EYA4: variants seen among roughly 807,000 people sequenced by gnomAD.
The protein encoded by EYA4 is EYA transcriptional coactivator and phosphatase 4, also known as protein phosphatase EYA4.
A neutral mutation model predicts 87.9 loss-of-function variants in EYA4; 31 were observed. The observed-to-expected ratio is 0.35, with a 90% CI of 0.27 to 0.48. The LOEUF (loss-of-function observed/expected upper bound fraction) is 0.48, where lower values mean the gene tolerates loss of function less well. EYA4 is among the 20% of genes least tolerant of loss of function. The pLI is 0.99. For missense variants in EYA4, 678 were observed against 761.4 expected (o/e 0.89, Z 1.29); for synonymous variants, 263 against 270.6 (o/e 0.97, Z 0.28).
At chr6:133,354,074 C>G (rs148868380) in intron 2 of EYA4, among the ~76,000 whole-genome samples, 273 of 152,244 alleles carry the variant, frequency 1.8e-3, no homozygotes, top group African/African-American at 6.0e-3. Flanking sequence ...TACAGTGTAG[C>G]TTATTCTAAG....
rs145198515 is a variant in EYA4, at chr6:133,359,018, C to T, written c.34-23374C>T. Among the ~76,000 whole-genome samples, 463 of 151,280 alleles carry T rather than the reference C, an allele frequency of 3.1e-3. 1 individual carries two copies. The highest frequency in any genetic ancestry group is 0.011 in the African/African-American group (442 of 41,238). On this transcript the variant is annotated intron_variant, in intron 2 of 19. Coordinates refer to ENST00000355286, the MANE Select transcript of EYA4 (RefSeq NM_004100.5). ...TACTGGAAACGAGGAAAAGAGGCCT[C>T]GTAAGAAAAAAAAGGCCCTTTTTGT...
intron 3 of EYA4, among the ~76,000 whole-genome samples, chr6:133,431,648 A>C (rs767501102): frequency 6.6e-6 from 1 of 152,158 alleles, no homozygotes; most frequent in Non-Finnish European, 1.5e-5. Context: ...GGGACAAATT[A>C]CCAGATTATT....
chr6:133,249,486 C>G (rs1456554302), intron 1 of EYA4, among the ~76,000 whole-genome samples: 1 of 152,144 alleles, frequency 6.6e-6, no homozygotes, highest in Non-Finnish European at 1.5e-5. Context: ...TGCCTGCTGC[C>G]TATAGGGCAA....
chr6:133,426,666 C>A (rs377245167), intron 3 of EYA4, among the ~76,000 whole-genome samples: 85 of 152,306 alleles, frequency 5.6e-4, no homozygotes, highest in African/African-American at 1.9e-3. Flanking sequence ...TTGTATAACA[C>A]AGTCTCCATT....
At chr6:133,397,734 C>G (rs1212215649) in intron 3 of EYA4, among the ~76,000 whole-genome samples, 1 of 152,198 alleles carries the variant, frequency 6.6e-6, no homozygotes. Context: ...AATGGACTTA[C>G]AGCTCCACGT....
chr6:133,522,206 G>A (rs1295740324), intron 17 of EYA4, among the ~76,000 whole-genome samples: 1 of 146,364 alleles, frequency 6.8e-6, no homozygotes, highest in Admixed American at 6.8e-5. Context: ...AAGTTCTAGG[G>A]TACATGTGCA....
rs768235034 is a variant in EYA4 at position 133,483,136 on chromosome 6, A to C, written c.1191+21A>C. 2.6e-6 allele frequency: 4 copies of C among 1,558,072 alleles called. No individual in the cohort carries two copies. In the Admixed American group the frequency reaches 6.7e-5, roughly 26 times the overall value. On this transcript the variant is annotated intron_variant, in intron 13 of 19. Coordinates refer to ENST00000355286, the MANE Select transcript of EYA4 (RefSeq NM_004100.5). ...GCAAGGTAAGAAATCAAGAAATGTT[A>C]CTCCAAGAAATCTTGTTAAATTTTT... is the stretch of plus-strand genomic sequence containing the variant.
At chr6:133,512,571 A>C (rs556333887) in intron 14 of EYA4, 150 bp from the exon 15 acceptor site, 1 of 710,240 alleles carries the variant, frequency 1.4e-6, no homozygotes. Flanking sequence ...ATTTCCCAAC[A>C]GAAGAAAACA....
rs756139259 is a variant in EYA4 at position 133,512,960 on chromosome 6, G to A, written c.1423G>A (p.Val475Ile). The change falls in exon 16 of 20, where the codon GTT becomes ATT. Residue 475 changes from valine to isoleucine, a missense_variant. Coordinates refer to ENST00000355286, the MANE Select transcript of EYA4 (RefSeq NM_004100.5). The stretch of plus-strand genomic sequence containing the variant: ...TTTGCCAACAGGTGTAAGAGGAGGG[G>A]TTGACTGGATGAGGAAGTTGGCTTT... ...LCLPTGVRGG[V>I]DWMRKLAFRY... The A allele has an allele frequency of 6.2e-7, 1 of 1,613,980 alleles. No individual in the cohort carries two copies. Among genetic ancestry groups the A allele is most frequent in the Admixed American group, 1.7e-5 (1 of 60,004 alleles).
chr6:133,352,929 G>T (rs528704068), intron 2 of EYA4, among the ~76,000 whole-genome samples: 61 of 152,286 alleles, frequency 4.0e-4, no homozygotes, highest in African/African-American at 1.4e-3. Flanking sequence ...TGACAATTGT[G>T]AAGAGTTGAT....
At chr6:133,308,385 A>C (rs1021732037) in intron 2 of EYA4, among the ~76,000 whole-genome samples, 1 of 152,154 alleles carries the variant, frequency 6.6e-6, no homozygotes, top group Non-Finnish European at 1.5e-5. Context: ...TTCAGTAATT[A>C]AAAAAAACTT....
chr6:133,336,666 G>A (rs940878387), intron 2 of EYA4, among the ~76,000 whole-genome samples: 2 of 152,108 alleles, frequency 1.3e-5, no homozygotes, highest in Non-Finnish European at 2.9e-5. Context: ...GGATTTTATG[G>A]TATTGTTAAT....
At chr6:133,429,360 A>T (rs1302664136) in intron 3 of EYA4, among the ~76,000 whole-genome samples, 1 of 152,220 alleles carries the variant, frequency 6.6e-6, no homozygotes, top group Non-Finnish European at 1.5e-5. Context: ...CAGAAGCATT[A>T]GTAAGCTTAG....
At chr6:133,424,623 C>T (rs541600399) in intron 3 of EYA4, among the ~76,000 whole-genome samples, 50 of 151,490 alleles carry the variant, frequency 3.3e-4, no homozygotes, top group South Asian at 8.4e-4. Flanking sequence ...CACCCAGAAG[C>T]TCCCACCCTG....
At chr6:133,443,345 A>G (rs1792495638) in intron 3 of EYA4, among the ~76,000 whole-genome samples, 1 of 151,942 alleles carries the variant, frequency 6.6e-6, no homozygotes, top group Admixed American at 6.6e-5. Flanking sequence ...TTTCTATGTT[A>G]ATTGGATCAA....
At chr6:133,515,196 ATC>A (rs1224785132) in intron 16 of EYA4, 123 bp from the exon 17 acceptor site, 10 of 716,126 alleles carry the variant, frequency 1.4e-5, no homozygotes, top group Non-Finnish European at 2.1e-5. Context: ...ATAAATCTGT[ATC>A]TCTCTGCATT....
At chr6:133,294,203 A>C (rs964240288) in intron 2 of EYA4, among the ~76,000 whole-genome samples, 2 of 150,580 alleles carry the variant, frequency 1.3e-5, no homozygotes, top group Admixed American at 6.6e-5. Flanking sequence ...AACTATTCAC[A>C]GGTAGGCTAC....
intron 6 of EYA4, among the ~76,000 whole-genome samples, chr6:133,459,915 G>A (rs1794229787): frequency 6.6e-6 from 1 of 151,738 alleles, no homozygotes; most frequent in African/African-American, 2.4e-5. Flanking sequence ...CTTCATTATC[G>A]CTATGAAAAT....
chr6:133,391,786 A>G (rs748439716), intron 3 of EYA4, among the ~76,000 whole-genome samples: 1 of 152,140 alleles, frequency 6.6e-6, no homozygotes, highest in Non-Finnish European at 1.5e-5. Context: ...TTGAGGGTAG[A>G]TAACCCACAA....
Sources: allele counts gnomAD v4.1 joint callset (sites outside exome capture counted in the v4.1 genomes callset), GRCh38; gene constraint gnomAD v4.1.1; transcripts MANE v1.5; gene names NCBI Gene and HGNC (gene_info 2026-07-23, HGNC 2026-07-21).